The following KIAA1217 variants were observed in gnomAD, a reference collection of about 807,000 sequenced individuals.
The protein encoded by KIAA1217 is KIAA1217.
KIAA1217 carries 88 observed loss-of-function variants against 163.9 expected under a neutral mutation model. The observed-to-expected ratio is 0.54, with a 90% CI of 0.45 to 0.64. The LOEUF is 0.64. KIAA1217 is among the 30% of genes least tolerant of loss of function. The pLI, the probability that KIAA1217 is intolerant of heterozygous loss-of-function variation, is 0.00. For missense variants in KIAA1217, 2,372 were observed against 2,475.0 expected (o/e 0.96, Z 0.88); for synonymous variants, 903 against 923.1 (o/e 0.98, Z 0.39).
intron 1 of KIAA1217, among the ~76,000 whole-genome samples, chr10:23,824,681 A>ATG (rs1294578360): frequency 1.2e-4 from 16 of 136,644 alleles, no homozygotes; most frequent in African/African-American, 4.0e-4. Context: ...ATATATATAT[A>ATG]TGTATATATG....
intron 1 of KIAA1217, among the ~76,000 whole-genome samples, chr10:23,921,373 A>G (rs1842842550): frequency 6.6e-6 from 1 of 152,212 alleles, no homozygotes; most frequent in Admixed American, 6.5e-5. Flanking sequence ...AGATTCCATC[A>G]GAGAGAGAAC....
chr10:24,484,206 T>TATAG (rs1255087387), intron 6 of KIAA1217, among the ~76,000 whole-genome samples: 1 of 137,822 alleles, frequency 7.3e-6, no homozygotes, highest in South Asian at 2.6e-4. Context: ...TATACATATA[T>TATAG]ATAGATAGAT....
At chr10:23,721,527 G>A (rs1327152433) in intron 1 of KIAA1217, among the ~76,000 whole-genome samples, 1 of 150,398 alleles carries the variant, frequency 6.6e-6, no homozygotes. Flanking sequence ...CACTGCTGGT[G>A]GTATTCCTTT....
chr10:24,075,766 G>A (rs553406978), intron 2 of KIAA1217, among the ~76,000 whole-genome samples: 12 of 148,302 alleles, frequency 8.1e-5, no homozygotes, highest in Non-Finnish European at 1.5e-4. Context: ...ACCATGCCTG[G>A]CTAATTTTTG....
chr10:24,031,518 T>G (rs1161798205), intron 2 of KIAA1217, among the ~76,000 whole-genome samples: 1 of 152,192 alleles, frequency 6.6e-6, no homozygotes, highest in Non-Finnish European at 1.5e-5. Context: ...CAGGCTGATC[T>G]CAAACTGCTG....
At chr10:24,390,123 G>A (rs755440038) in intron 3 of KIAA1217, among the ~76,000 whole-genome samples, 48 of 152,110 alleles carry the variant, frequency 3.2e-4, no homozygotes, top group Non-Finnish European at 4.1e-4. Flanking sequence ...TTAACTGGCT[G>A]AACCAGTTCA....
At chr10:23,913,294 G>A (rs1260434436) in intron 1 of KIAA1217, among the ~76,000 whole-genome samples, 1 of 152,114 alleles carries the variant, frequency 6.6e-6, no homozygotes, top group Non-Finnish European at 1.5e-5. Context: ...CAATCCCAGA[G>A]CACAGACAGC....
At chr10:24,244,427 C>T (rs1406410195) in intron 2 of KIAA1217, among the ~76,000 whole-genome samples, 3 of 152,120 alleles carry the variant, frequency 2.0e-5, no homozygotes, top group Non-Finnish European at 4.4e-5. Context: ...GAAAGTCATC[C>T]TGAAGAATGG....
intron 2 of KIAA1217, chr10:24,158,728 C>T: frequency 2.0e-6 from 1 of 501,060 alleles, no homozygotes; most frequent in Non-Finnish European, 4.0e-6. Context: ...TAGTGATTAT[C>T]AGGTTATTTC....
intron 9 of KIAA1217, among the ~76,000 whole-genome samples, chr10:24,507,313 G>A (rs2068500273): frequency 6.6e-6 from 1 of 152,152 alleles, no homozygotes; most frequent in South Asian, 2.1e-4. Flanking sequence ...GCTGACAAAT[G>A]TGACCTATAA....
intron 1 of KIAA1217, among the ~76,000 whole-genome samples, chr10:24,211,590 GTATTT>G (rs375363145): frequency 0.016 from 2,055 of 128,504 alleles, 52 homozygotes; most frequent in African/African-American, 0.033. Context: ...GTATTGTATT[GTATTT>G]TATTTTATTT....
chr10:24,194,583 G>C (rs1464972039), intron 2 of KIAA1217, among the ~76,000 whole-genome samples: 1 of 150,748 alleles, frequency 6.6e-6, no homozygotes, highest in African/African-American at 2.4e-5. Context: ...TTGTTTTGGG[G>C]GTTGTTTTTG....
At chr10:24,236,413 G>T (rs1372131040) in intron 2 of KIAA1217, among the ~76,000 whole-genome samples, 1 of 152,102 alleles carries the variant, frequency 6.6e-6, no homozygotes, top group Non-Finnish European at 1.5e-5. Context: ...ACCACACTCA[G>T]CTAATTTTTT....
At chr10:23,858,613 TTC>T (rs993146805) in intron 1 of KIAA1217, among the ~76,000 whole-genome samples, 4 of 152,126 alleles carry the variant, frequency 2.6e-5, no homozygotes, top group Non-Finnish European at 5.9e-5. Context: ...ATAAAAATGA[TTC>T]TGTTAGTATA....
chr10:24,474,886 T>C (rs921396792), intron 6 of KIAA1217, among the ~76,000 whole-genome samples: 3 of 152,236 alleles, frequency 2.0e-5, no homozygotes, highest in African/African-American at 7.2e-5. Flanking sequence ...TTAAGCATGC[T>C]GCTACCTATT....
rs1845363072 is a variant in KIAA1217 at position 23,972,623 on chromosome 10, G to C, written c.-320-34602G>C. On this transcript the variant is annotated intron_variant, in intron 1 of 18. Transcript: ENST00000376462. ...AAAAGATTCTGCTTGAATTGAAAAG[G>C]TTCTCTTTGAACCAACCCAAAGACA... is the stretch of plus-strand genomic sequence containing the variant. Among the ~76,000 whole-genome samples the C allele has an allele frequency of 2.7e-5, 4 of 149,034 alleles. 1 individual carries two copies. In the Admixed American group the frequency reaches 2.7e-4, roughly 10 times the overall value.
chr10:24,218,292 A>T (rs2069100032), intron 1 of KIAA1217, among the ~76,000 whole-genome samples: 1 of 152,104 alleles, frequency 6.6e-6, no homozygotes, highest in Non-Finnish European at 1.5e-5. Flanking sequence ...CACTCTCAGC[A>T]TTGACATCAT....
chr10:24,016,906 A>C (rs1303003969), intron 2 of KIAA1217, among the ~76,000 whole-genome samples: 1 of 152,150 alleles, frequency 6.6e-6, no homozygotes, highest in Non-Finnish European at 1.5e-5. Flanking sequence ...GAGTAATACA[A>C]TATAGAACTA....
chr10:24,173,134 C>T (rs1273964595), intron 2 of KIAA1217, among the ~76,000 whole-genome samples: 2 of 152,130 alleles, frequency 1.3e-5, no homozygotes, highest in Admixed American at 1.3e-4. Flanking sequence ...CACCTCCTGT[C>T]AGATCACTGG....
Sources: gnomAD v4.1 joint callset for allele counts (sites outside exome capture counted in the v4.1 genomes callset) on GRCh38, gnomAD v4.1.1 for gene constraint, MANE v1.5 for transcripts, NCBI Gene and HGNC (gene_info 2026-07-23, HGNC 2026-07-21) for gene names.